Variants in ELAPOR2 observed in about 807,000 individuals in gnomAD.
ELAPOR2 encodes endosome/lysosome-associated apoptosis and autophagy regulator family member 2.
A neutral mutation model predicts 120.7 loss-of-function variants in ELAPOR2; 89 were observed. The observed-to-expected ratio is 0.74, with a 90% CI of 0.62 to 0.88. The LOEUF (loss-of-function observed/expected upper bound fraction) is 0.88. Among genes scored for constraint, ELAPOR2 ranks in the 40% least tolerant of loss-of-function variants. The pLI is 0.00. For synonymous variants in ELAPOR2, 444 were observed against 444.9 expected (o/e 1.00, Z 0.03); for missense variants, 1,134 against 1,251.6 (o/e 0.91, Z 1.42).
intron 18 of ELAPOR2, among the ~76,000 whole-genome samples, chr7:86,899,049 C>T (rs146345806): frequency 0.024 from 3,643 of 152,226 alleles, 51 homozygotes; most frequent in South Asian, 0.055. Flanking sequence ...GTTACCTTCA[C>T]TACTCTGAAG....
At chr7:86,984,271 G>A (rs1003450094) in intron 1 of ELAPOR2, among the ~76,000 whole-genome samples, 4 of 152,166 alleles carry the variant, frequency 2.6e-5, no homozygotes, top group Admixed American at 6.5e-5. Flanking sequence ...GTATTAGACA[G>A]ATCAATGAGA....
chr7:87,051,141 A>C (rs1385037631), intron 1 of ELAPOR2, among the ~76,000 whole-genome samples: 2 of 152,182 alleles, frequency 1.3e-5, no homozygotes, highest in African/African-American at 4.8e-5. Context: ...TCCCGACATC[A>C]CTAGGAGTGT....
At chr7:86,991,332 CCAGT>C (rs559193828) in intron 1 of ELAPOR2, among the ~76,000 whole-genome samples, 18 of 152,088 alleles carry the variant, frequency 1.2e-4, no homozygotes, top group Non-Finnish European at 2.1e-4. Flanking sequence ...GAATAGCTGG[CCAGT>C]CAAACATTCC....
chr7:87,049,562 G>A (rs1267716644), intron 1 of ELAPOR2, among the ~76,000 whole-genome samples: 7 of 152,026 alleles, frequency 4.6e-5, no homozygotes, highest in African/African-American at 1.4e-4. Context: ...GATTACAGGC[G>A]CCTGGCCGGG....
intron 21 of ELAPOR2, among the ~76,000 whole-genome samples, chr7:86,889,947 T>C (rs1788057545): frequency 6.6e-6 from 1 of 151,856 alleles, no homozygotes; most frequent in Non-Finnish European, 1.5e-5. Flanking sequence ...AGGGTTGAGG[T>C]TAACAATACA....
rs529994947 is a variant in ELAPOR2, at chr7:86,900,923, C to T, written c.2559-3291G>A. Among the ~76,000 whole-genome samples, 156 of 152,246 alleles carry T rather than the reference C, an allele frequency of 1.0e-3. 4 individuals are homozygous for T. The South Asian group carries it at 0.01, about 10-fold the overall frequency. On this transcript the variant is annotated intron_variant, in intron 18 of 21. Transcript: ENST00000450689. ...GTAAAATAGATAAATGTTTTATTGC[C>T]AAGTACTTGAAATACTTTTCCCTTT...
At chr7:86,952,741 C>T (rs1417976148) in intron 2 of ELAPOR2, among the ~76,000 whole-genome samples, 1 of 151,802 alleles carries the variant, frequency 6.6e-6, no homozygotes, top group Non-Finnish European at 1.5e-5. Flanking sequence ...GGAGATATAT[C>T]ATATAAAGCA....
chr7:87,013,707 C>T (rs1793769198), intron 1 of ELAPOR2, among the ~76,000 whole-genome samples: 1 of 152,204 alleles, frequency 6.6e-6, no homozygotes, highest in African/African-American at 2.4e-5. Flanking sequence ...GATTAGCTTA[C>T]ATCATCAAAT....
At chr7:86,897,334 G>T (rs942798187) in intron 19 of ELAPOR2, among the ~76,000 whole-genome samples, 172 bp downstream of exon 19, 19 of 152,094 alleles carry the variant, frequency 1.2e-4, no homozygotes, top group African/African-American at 3.9e-4. Context: ...CACATCTGCA[G>T]CTACCCTAGC....
At chr7:86,918,053 C>T (rs956084874) in intron 12 of ELAPOR2, among the ~76,000 whole-genome samples, 2 of 152,036 alleles carry the variant, frequency 1.3e-5, no homozygotes, top group Non-Finnish European at 2.9e-5. Flanking sequence ...TTATTTTCTG[C>T]TCTTACTTAT....
At chr7:86,938,461 CCAT>C (rs1441498783) in intron 7 of ELAPOR2, among the ~76,000 whole-genome samples, 3 of 151,992 alleles carry the variant, frequency 2.0e-5, no homozygotes, top group Non-Finnish European at 4.4e-5. Context: ...TAGATTTCTT[CCAT>C]CATCACTATA....
chr7:87,010,120 T>C (rs1228541687), intron 1 of ELAPOR2, among the ~76,000 whole-genome samples: 4 of 152,216 alleles, frequency 2.6e-5, no homozygotes, highest in Non-Finnish European at 4.4e-5. Flanking sequence ...ACATTTAATA[T>C]TTCCTACAAA....
At chr7:86,881,219 C>A (rs1297909854) in intron 21 of ELAPOR2, among the ~76,000 whole-genome samples, 1 of 151,914 alleles carries the variant, frequency 6.6e-6, no homozygotes, top group East Asian at 1.9e-4. Context: ...ATTTTTGAGA[C>A]AGGGTCTCTC....
intron 1 of ELAPOR2, among the ~76,000 whole-genome samples, chr7:86,985,922 G>A (rs1792714092): frequency 6.7e-6 from 1 of 149,508 alleles, no homozygotes; most frequent in African/African-American, 2.5e-5. Context: ...AAAATAATAA[G>A]AGCTATTTAT....
intron 1 of ELAPOR2, among the ~76,000 whole-genome samples, chr7:87,000,948 G>A (rs1793296953): frequency 6.6e-6 from 1 of 152,056 alleles, no homozygotes; most frequent in Non-Finnish European, 1.5e-5. Flanking sequence ...TTCTAAAAAT[G>A]TTTCTTCATT....
chr7:87,044,695 G>A (rs549783322), intron 1 of ELAPOR2, among the ~76,000 whole-genome samples: 95 of 151,970 alleles, frequency 6.3e-4, no homozygotes, highest in Middle Eastern at 6.8e-3. Flanking sequence ...ACATAGGCAC[G>A]GGCAAGGACT....
At chr7:86,927,065 G>T (rs1224710581) in intron 8 of ELAPOR2, 149 bp from the exon 9 acceptor site, 8 of 685,656 alleles carry the variant, frequency 1.2e-5, no homozygotes, top group Non-Finnish European at 1.3e-5. Flanking sequence ...CAAAATGAGA[G>T]AAAAGAGAGA....
intron 1 of ELAPOR2, among the ~76,000 whole-genome samples, chr7:87,053,029 C>T (rs1795161072): frequency 6.6e-6 from 1 of 152,072 alleles, no homozygotes; most frequent in African/African-American, 2.4e-5. Flanking sequence ...AACTGCTTGG[C>T]TCAAGTGATT....
At chr7:86,988,752 C>T (rs1792843406) in intron 1 of ELAPOR2, among the ~76,000 whole-genome samples, 2 of 152,172 alleles carry the variant, frequency 1.3e-5, no homozygotes, top group Non-Finnish European at 2.9e-5. Flanking sequence ...ACCCCCTCCC[C>T]TGGAGAATCT....
Sources: allele counts gnomAD v4.1 joint callset (sites outside exome capture counted in the v4.1 genomes callset), GRCh38; gene constraint gnomAD v4.1.1; transcripts MANE v1.5; gene names NCBI Gene and HGNC (gene_info 2026-07-23, HGNC 2026-07-21).